Variants in GJA9 observed in about 807,000 individuals in gnomAD.
GJA9 encodes gap junction alpha-9 protein.
Under a neutral mutation model 0.4 loss-of-function variants are expected in GJA9, and 1 was observed. The observed-to-expected ratio is 2.50, with a 90% CI of 0.89 to 11.88. GJA9 has a LOEUF of 11.88. GJA9 is among the 30% of genes most tolerant of loss of function. GJA9 has a pLI of 0.12. For missense variants in GJA9, 550 were observed against 602.8 expected (o/e 0.91, Z 0.92); for synonymous variants, 190 against 219.1 (o/e 0.87, Z 1.17).
intron 1 of GJA9, among the ~76,000 whole-genome samples, chr1:38,880,975 C>G (rs1297636457): frequency 6.6e-6 from 1 of 151,924 alleles, no homozygotes; most frequent in Non-Finnish European, 1.5e-5. Context: ...AAATGATAAA[C>G]ATACATAAAA....
rs369217693 is a variant in GJA9 at position 38,874,329 on chromosome 1, T to TTA, written c.*221_*222insTA. Reference sequence around the variant, plus strand: ...CAGTTACATTCGAAAGGATATCATTTAAAAAAAAAAAAATCCTGATTTGAC... The same window carrying TTA: ...CAGTTACATTCGAAAGGATATCATTTTAAAAAAAAAAAAAATCCTGATTTGAC... On this transcript the variant is annotated 3_prime_UTR_variant, in exon 2 of 2. Coordinates refer to ENST00000357771, the MANE Select transcript of GJA9 (RefSeq NM_030772.5). 1,434 of 430,374 alleles carry TTA rather than the reference T, an allele frequency of 3.3e-3. No homozygotes were observed. The highest frequency in any genetic ancestry group is 9.8e-3 in the East Asian group (242 of 24,792). 26.7% of individuals were successfully genotyped at this position (430,374 alleles called of 1,614,324 possible).
chr1:38,878,034 AT>A (rs1293911607), intron 1 of GJA9, among the ~76,000 whole-genome samples: 1 of 152,156 alleles, frequency 6.6e-6, no homozygotes, highest in Non-Finnish European at 1.5e-5. Context: ...ATGAATATGT[AT>A]AAAGTACTTA....
At chr1:38,878,962 A>G (rs1433431154) in intron 1 of GJA9, among the ~76,000 whole-genome samples, 1 of 151,876 alleles carries the variant, frequency 6.6e-6, no homozygotes, top group Non-Finnish European at 1.5e-5. Context: ...CGAACTCCCA[A>G]CCTCAGGTGA....
intron 1 of GJA9, among the ~76,000 whole-genome samples, chr1:38,878,687 A>G (rs944021315): frequency 4.2e-4 from 63 of 151,642 alleles, no homozygotes; most frequent in Non-Finnish European, 7.8e-4. Context: ...TCAGAAAACA[A>G]AAAGAACTCC....
At chr1:38,879,089 G>A (rs1642645729) in intron 1 of GJA9, among the ~76,000 whole-genome samples, 1 of 152,084 alleles carries the variant, frequency 6.6e-6, no homozygotes, top group South Asian at 2.1e-4. Context: ...TCACTGGTAT[G>A]GTGGCAGTAT....
chr1:38,874,484 T>C lies in GJA9; in HGVS notation c.*67A>G. On this transcript the variant is annotated 3_prime_UTR_variant, in exon 2 of 2. Coordinates refer to ENST00000357771, the MANE Select transcript of GJA9 (RefSeq NM_030772.5). Reference sequence around the variant, plus strand: ...TTTAGAGCTGCCCCTATCTATTTTTTCTGTGCCCCACGACCACTAGGCTAC... The same window carrying C: ...TTTAGAGCTGCCCCTATCTATTTTTCCTGTGCCCCACGACCACTAGGCTAC... The C allele has an allele frequency of 1.6e-6, 2 of 1,263,908 alleles. No homozygotes were observed. The highest frequency in any genetic ancestry group is 2.2e-6 in the Non-Finnish European group (2 of 894,300). The allele number at this position is 1,263,908 out of a possible 1,614,324, so 78.3% of individuals were successfully genotyped here.
At position 38,875,893 on chromosome 1, in the gene GJA9, G is replaced by C; in HGVS notation, c.206C>G (p.Ala69Gly). 1 of 1,614,210 alleles carries C rather than the reference G, an allele frequency of 6.2e-7. No homozygotes were observed. Among genetic ancestry groups the C allele is most frequent in the African/African-American group, 1.3e-5 (1 of 75,056 alleles). ...GTATCTAATGAGGGAGATAGGAAAG[G>C]CCTGGTCGTAGCATACATTTCTGCA... ...PGCRNVCYDQAFPISLIRYWV... is the reference protein window; with the variant it reads ...PGCRNVCYDQGFPISLIRYWV... Residue 69 changes from alanine (A) to glycine (G), a missense_variant, in exon 2 of 2, where the codon GCC becomes GGC. Transcript: ENST00000357771.
At chr1:38,876,864 G>A (rs1440649265) in intron 1 of GJA9, among the ~76,000 whole-genome samples, 1 of 151,632 alleles carries the variant, frequency 6.6e-6, no homozygotes, top group Non-Finnish European at 1.5e-5. Context: ...GTGGTGGCAG[G>A]CGCTTGTAGT....
At position 38,875,032 on chromosome 1, in the gene GJA9, T is replaced by G. The variant is rs1461111360; in HGVS notation, c.1067A>C (p.Lys356Thr). 6.2e-7 allele frequency: 1 copy of G among 1,614,128 alleles called. No homozygotes were observed. Among genetic ancestry groups the G allele is most frequent in the Non-Finnish European group, 8.5e-7 (1 of 1,180,006 alleles). ...ACCATTAAGTTCTTTTCCAAATATT[T>G]TATGAGTGTCTTTGTTATTGTTTGA... ...ISSNNNKDTHKIFGKELNGNQ... is the reference protein window; with the variant it reads ...ISSNNNKDTHTIFGKELNGNQ... Residue 356 changes from lysine to threonine, a missense_variant, in exon 2 of 2, where the codon AAA (lysine) becomes ACA (threonine). Lys to Thr is a moderately conservative substitution (Grantham distance 78, BLOSUM62 -1). Coordinates refer to ENST00000357771, the MANE Select transcript of GJA9 (RefSeq NM_030772.5).
In GJA9 at chr1:38,874,524, A is replaced by G. The variant is rs190731150; in HGVS notation, c.*27T>C. The G allele has an allele frequency of 1.2e-5, 19 of 1,556,744 alleles. No individual in the cohort carries two copies. The East Asian group carries it at 2.0e-4, about 17-fold the overall frequency. On this transcript the variant is annotated 3_prime_UTR_variant, in exon 2 of 2. Transcript: ENST00000357771. ...CACTAGGCTACTTCTCTGATAATAT[A>G]TATAATGTCTAAAAGCCAACCGCTG...
rs1364620910 is a variant in GJA9, at chr1:38,874,995, C to A, written c.1104G>T (p.Met368Ile). 21 of 1,613,992 alleles carry A rather than the reference C, an allele frequency of 1.3e-5. No homozygotes were observed. Among genetic ancestry groups the A allele is most frequent in the Non-Finnish European group, 1.4e-5 (17 of 1,180,030 alleles). ...FGKELNGNQL[M>I]EKRETEGKDS... ...CTTTGCCTTCAGTTTCTCTTTTTTC[C>A]ATTAACTGGTTACCATTAAGTTCTT... The change falls in exon 2 of 2, where the codon ATG (methionine) becomes ATT (isoleucine). Residue 368 changes from methionine (M) to isoleucine (I), a missense_variant. By Grantham distance (10) the Met-to-Ile change is conservative. Coordinates refer to ENST00000357771, the MANE Select transcript of GJA9 (RefSeq NM_030772.5).
At chr1:38,881,340 T>C (rs1231840035) in intron 1 of GJA9, 92 bp downstream of exon 1, 1 of 667,708 alleles carries the variant, frequency 1.5e-6, no homozygotes, top group African/African-American at 1.8e-5. Context: ...CTGGTATACA[T>C]ATATACAGTA....
In GJA9 at chr1:38,875,688, A is replaced by G; in HGVS notation, c.411T>C (p.Cys137=). The change falls in exon 2 of 2, where the codon TGT becomes TGC. Residue 137 remains cysteine, a synonymous_variant. Transcript: ENST00000357771. The part of the protein sequence containing the change: ...RDRRRLEQEL[C]QLEKRKLNKA... ...TATTTAGTTTCCTTTTCTCCAGCTG[A>G]CAAAGCTCTTGCTCCAATCTCCTCC... 1 of 1,614,196 alleles carries G rather than the reference A, an allele frequency of 6.2e-7. No individual in the cohort carries two copies. Among genetic ancestry groups the G allele is most frequent in the Middle Eastern group, 1.6e-4 (1 of 6,062 alleles).
At chr1:38,879,218 T>TATTA (rs1197649893) in intron 1 of GJA9, among the ~76,000 whole-genome samples, 1 of 152,178 alleles carries the variant, frequency 6.6e-6, no homozygotes, top group Non-Finnish European at 1.5e-5. Context: ...GCAGATTGCA[T>TATTA]ATTAAGGTTG....
chr1:38,879,615 C>T (rs1439710099), intron 1 of GJA9, among the ~76,000 whole-genome samples: 15 of 152,200 alleles, frequency 9.9e-5, no homozygotes, highest in Admixed American at 8.5e-4. Context: ...TATCTGTTTT[C>T]TCTTAAGTTT....
rs1409753471 is a variant in GJA9, at chr1:38,874,520, A to G, written c.*31T>C. 1 of 1,534,650 alleles carries G rather than the reference A, an allele frequency of 6.5e-7. No individual in the cohort carries two copies. Among genetic ancestry groups the G allele is most frequent in the Admixed American group, 1.8e-5 (1 of 56,184 alleles). ...CGACCACTAGGCTACTTCTCTGATA[A>G]TATATATAATGTCTAAAAGCCAACC... On this transcript the variant is annotated 3_prime_UTR_variant, in exon 2 of 2. Transcript: ENST00000357771.
intron 1 of GJA9, among the ~76,000 whole-genome samples, chr1:38,880,520 A>T (rs1203886524): frequency 1.3e-5 from 2 of 151,664 alleles, no homozygotes; most frequent in Admixed American, 1.3e-4. Flanking sequence ...GCGGTGGCTC[A>T]CGCCTGTAAT....
At chr1:38,876,226 A>G (rs549336317) in intron 1 of GJA9, 33 bp from the exon 2 acceptor site, 36 of 745,596 alleles carry the variant, frequency 4.8e-5, no homozygotes, top group South Asian at 2.7e-4. Context: ...TGTCACTTCT[A>G]TATGCTGGTT....
At chr1:38,877,582 C>T (rs1172116407) in intron 1 of GJA9, among the ~76,000 whole-genome samples, 4 of 151,992 alleles carry the variant, frequency 2.6e-5, no homozygotes, top group Non-Finnish European at 4.4e-5. Flanking sequence ...TTGCAACCTC[C>T]GCCTCCTGGG....
Sources: allele counts gnomAD v4.1 joint callset (sites outside exome capture counted in the v4.1 genomes callset), GRCh38; gene constraint gnomAD v4.1.1; transcripts MANE v1.5; gene names NCBI Gene and HGNC (gene_info 2026-07-23, HGNC 2026-07-21).